Variants in ADAM18 observed in about 807,000 individuals in gnomAD.
ADAM18 encodes disintegrin and metalloproteinase domain-containing protein 18.
ADAM18 carries 117 observed loss-of-function variants against 94.4 expected under a neutral mutation model. The ratio of observed to expected loss-of-function variants is 1.24; its 90% CI spans 1.07 to 1.45. ADAM18 has a LOEUF of 1.45. ADAM18 is among the 40% of genes most tolerant of loss of function. The pLI is 0.00. For missense variants in ADAM18, 936 were observed against 880.0 expected, an observed-to-expected ratio of 1.06 and a Z score of -0.81; for synonymous variants, 327 against 291.6, an observed-to-expected ratio of 1.12 and a Z score of -1.24.
At chr8:39,656,575 A>G (rs1390667222) in intron 12 of ADAM18, among the ~76,000 whole-genome samples, 1 of 152,224 alleles carries the variant, frequency 6.6e-6, no homozygotes, top group African/African-American at 2.4e-5. Context: ...CTAAATGTCA[A>G]TATTACCTAA....
chr8:39,599,178 T>C (rs888570467), intron 2 of ADAM18, among the ~76,000 whole-genome samples: 2 of 152,226 alleles, frequency 1.3e-5, no homozygotes, highest in Admixed American at 1.3e-4. Flanking sequence ...CTTTAGACAA[T>C]GTGATGATTA....
At chr8:39,719,582 C>G (rs1262073624) in intron 18 of ADAM18, among the ~76,000 whole-genome samples, 1 of 151,208 alleles carries the variant, frequency 6.6e-6, no homozygotes, top group Non-Finnish European at 1.5e-5. Context: ...TATTTGTATT[C>G]AGAATATATA....
chr8:39,692,703 T>G, intron 17 of ADAM18, 23 bp downstream of exon 17: 1 of 1,543,154 alleles, frequency 6.5e-7, no homozygotes, highest in Non-Finnish European at 8.9e-7. Context: ...TGTATCTGAA[T>G]TGCATGTTAT....
chr8:39,586,782 ATCTATCTATCTATCTATCTATATC>A (rs1362571380), intron 2 of ADAM18, among the ~76,000 whole-genome samples: 21 of 138,592 alleles, frequency 1.5e-4, no homozygotes, highest in South Asian at 4.7e-4. Context: ...CTATCTATCT[ATCTATCTATCTATCTATCTATATC>A]TATCTATCTA....
chr8:39,660,453 A>G (rs766582322), intron 12 of ADAM18, among the ~76,000 whole-genome samples: 2 of 152,200 alleles, frequency 1.3e-5, no homozygotes, highest in African/African-American at 2.4e-5. Flanking sequence ...GGACAGCTAT[A>G]TTAATAACAG....
chr8:39,596,746 G>C (rs1818751486), intron 2 of ADAM18, among the ~76,000 whole-genome samples: 1 of 152,152 alleles, frequency 6.6e-6, no homozygotes, highest in South Asian at 2.1e-4. Context: ...GTAAGAAACT[G>C]CCAGCTTATC....
In ADAM18 at chr8:39,637,806, G is replaced by T; in HGVS notation, c.827+103G>T. On this transcript the variant is annotated intron_variant, in intron 9 of 19. Transcript: ENST00000265707. Reference sequence around the variant, plus strand: ...CTTCAGTTTTTTGTAAGCCCCTTTGGAAGTGTTTAAAAATTAGTAGCCTTT... The same window carrying T: ...CTTCAGTTTTTTGTAAGCCCCTTTGTAAGTGTTTAAAAATTAGTAGCCTTT... The T allele has an allele frequency of 8.9e-7, 1 of 1,117,846 alleles. No homozygotes were observed. Among genetic ancestry groups the T allele is most frequent in the South Asian group, 2.3e-5 (1 of 44,374 alleles). The allele number at this position is 1,117,846 out of a possible 1,614,324, so 69.2% of individuals were successfully genotyped here.
chr8:39,669,929 C>A (rs1821107463), intron 14 of ADAM18, among the ~76,000 whole-genome samples: 1 of 152,160 alleles, frequency 6.6e-6, no homozygotes, highest in Non-Finnish European at 1.5e-5. Flanking sequence ...ACAGTCCCAC[C>A]AACAGTGTAA....
At chr8:39,676,116 A>C (rs1169921543) in intron 14 of ADAM18, among the ~76,000 whole-genome samples, 1 of 152,182 alleles carries the variant, frequency 6.6e-6, no homozygotes, top group Non-Finnish European at 1.5e-5. Context: ...GATCCACTTG[A>C]GGAGGCAGTC....
Position 39,709,303 on chromosome 8 carries a change from A to G in ADAM18, c.2017+2399A>G, listed in dbSNP as rs952978407. On this transcript the variant is annotated intron_variant, in intron 18 of 19. Coordinates refer to ENST00000265707, the MANE Select transcript of ADAM18 (RefSeq NM_014237.3). ...TTATGCCATCAAGCTGTCCTTCTGA[A>G]ATCAAGCCACTTCTCTTCAATGTCA... Among the ~76,000 whole-genome samples, 8 of 152,242 alleles carry G rather than the reference A, an allele frequency of 5.3e-5. No individual in the cohort carries two copies. The South Asian group carries it at 1.0e-3, about 20-fold the overall frequency.
At chr8:39,618,664 C>T (rs955560910) in intron 6 of ADAM18, among the ~76,000 whole-genome samples, 1 of 152,148 alleles carries the variant, frequency 6.6e-6, no homozygotes, top group Admixed American at 6.5e-5. Context: ...CCTAAAGAGG[C>T]CTAGAAGAGC....
At chr8:39,631,105 G>A (rs1286723032) in intron 7 of ADAM18, among the ~76,000 whole-genome samples, 4 of 151,746 alleles carry the variant, frequency 2.6e-5, no homozygotes. Flanking sequence ...TTCCAAATAT[G>A]AGGACTTTTT....
At chr8:39,696,762 T>G (rs1252766995) in intron 17 of ADAM18, among the ~76,000 whole-genome samples, 1 of 151,586 alleles carries the variant, frequency 6.6e-6, no homozygotes. Flanking sequence ...TTTTCATTAT[T>G]GTGGCTTTGC....
At chr8:39,717,825 A>C (rs73612065) in intron 18 of ADAM18, among the ~76,000 whole-genome samples, 4,945 of 151,708 alleles carry the variant, frequency 0.033, 244 homozygotes, top group African/African-American at 0.11. Flanking sequence ...AAGAGTTAAT[A>C]TCCAAAATAT....
intron 6 of ADAM18, among the ~76,000 whole-genome samples, chr8:39,621,263 A>G (rs1007246852): frequency 2.0e-5 from 3 of 151,712 alleles, no homozygotes; most frequent in Admixed American, 2.0e-4. Flanking sequence ...TACTTAATAG[A>G]GCAGCTGAGT....
In ADAM18 at chr8:39,680,245, T is replaced by C. The variant is rs1821417930; in HGVS notation, c.1821+19T>C. The C allele has an allele frequency of 6.2e-7, 1 of 1,601,762 alleles. No individual in the cohort carries two copies. Among genetic ancestry groups the C allele is most frequent in the Non-Finnish European group, 8.5e-7 (1 of 1,173,894 alleles). On this transcript the variant is annotated intron_variant, in intron 16 of 19. Coordinates refer to ENST00000265707, the MANE Select transcript of ADAM18 (RefSeq NM_014237.3). ...AGAAATGGTAACAAAATGTGATAAT[T>C]TATATTCAGCTGTGTTAAATTATGT...
chr8:39,683,257 C>T (rs772683994), intron 16 of ADAM18, among the ~76,000 whole-genome samples: 2 of 152,168 alleles, frequency 1.3e-5, no homozygotes, highest in African/African-American at 2.4e-5. Context: ...CTGACAACCA[C>T]GTGACAAATT....
At chr8:39,681,338 A>C (rs975921828) in intron 16 of ADAM18, among the ~76,000 whole-genome samples, 1 of 152,208 alleles carries the variant, frequency 6.6e-6, no homozygotes, top group Non-Finnish European at 1.5e-5. Context: ...CAAGCAAGCT[A>C]TGAAGAGCTT....
chr8:39,620,592 A>T (rs544250085), intron 6 of ADAM18, among the ~76,000 whole-genome samples: 3 of 147,066 alleles, frequency 2.0e-5, no homozygotes, highest in African/African-American at 4.9e-5. Context: ...AATATATAAT[A>T]TATATATTAT....
Sources: allele counts gnomAD v4.1 joint callset (sites outside exome capture counted in the v4.1 genomes callset), GRCh38; gene constraint gnomAD v4.1.1; transcripts MANE v1.5; gene names NCBI Gene and HGNC (gene_info 2026-07-23, HGNC 2026-07-21).